The following SRPK2 variants were observed in gnomAD, a reference collection of about 807,000 sequenced individuals.
SRPK2 encodes SFRS protein kinase 2.
Under a neutral mutation model 90.8 loss-of-function variants are expected in SRPK2, and 21 were observed. The observed-to-expected ratio is 0.23, with a 90% CI of 0.16 to 0.33. The LOEUF (loss-of-function observed/expected upper bound fraction) is 0.33, where lower values mean the gene tolerates loss of function less well. SRPK2 is among the 10% of genes least tolerant of loss of function. The pLI, the probability that SRPK2 is intolerant of heterozygous loss-of-function variation, is 1.00. For synonymous variants in SRPK2, 288 were observed against 311.1 expected (o/e 0.93, Z 0.78); for missense variants, 620 against 869.0 (o/e 0.71, Z 3.60).
At chr7:105,388,497 CCGCCCGCCGGGGG>C (rs1437327367) in intron 2 of SRPK2, 138 bp downstream of exon 2, 1 of 343,710 alleles carries the variant, frequency 2.9e-6, no homozygotes, top group East Asian at 8.6e-5. Context: ...TCCCCCCGGG[CCGCCCGCCGGGGG>C]CAGGAGCCGA....
chr7:105,351,524 C>T (rs1057072144), intron 2 of SRPK2, among the ~76,000 whole-genome samples: 9 of 151,502 alleles, frequency 5.9e-5, no homozygotes, highest in East Asian at 1.9e-4. Context: ...AATCACCGGC[C>T]GGGCGCAGTA....
Position 105,250,471 on chromosome 7 carries a change from A to G in SRPK2, c.72-46686T>C, listed in dbSNP as rs138516604. On this transcript the variant is annotated intron_variant, in intron 2 of 15. Transcript: ENST00000393651. Reference sequence around the variant, plus strand: ...CAAAAGTTGGCTGTGTTGGATTTACAGAAGTATGTCATCAGTCACTGTAAT... The same window carrying G: ...CAAAAGTTGGCTGTGTTGGATTTACGGAAGTATGTCATCAGTCACTGTAAT... Among the ~76,000 whole-genome samples the G allele has an allele frequency of 3.3e-3, 506 of 152,306 alleles. 7 individuals are homozygous for G. Among genetic ancestry groups the G allele is most frequent in the African/African-American group, 0.011 (441 of 41,568 alleles).
At chr7:105,192,039 T>C (rs1360368866) in intron 3 of SRPK2, among the ~76,000 whole-genome samples, 1 of 97,030 alleles carries the variant, frequency 1.0e-5, no homozygotes, top group Non-Finnish European at 2.1e-5. Context: ...AAAGCTCCAC[T>C]TCTGCTTCTG....
At chr7:105,136,160 T>A (rs916927056) in intron 11 of SRPK2, among the ~76,000 whole-genome samples, 2 of 152,246 alleles carry the variant, frequency 1.3e-5, no homozygotes, top group African/African-American at 4.8e-5. Context: ...TGGTTCGGGT[T>A]TGTAAACAGT....
intron 2 of SRPK2, among the ~76,000 whole-genome samples, chr7:105,298,310 T>C (rs546377363): frequency 5.1e-4 from 78 of 152,346 alleles, no homozygotes; most frequent in Middle Eastern, 6.8e-3. Flanking sequence ...GTATTAGTAG[T>C]AGTATATTTT....
intron 2 of SRPK2, among the ~76,000 whole-genome samples, chr7:105,269,680 GGGAA>G (rs1168827978): frequency 6.6e-6 from 1 of 152,136 alleles, no homozygotes; most frequent in Non-Finnish European, 1.5e-5. Context: ...CAGACTAAAA[GGGAA>G]GGAAGGGTGA....
chr7:105,344,762 G>T lies in SRPK2; in HGVS notation c.71+43886C>A, dbSNP rs143343490. Among the ~76,000 whole-genome samples, 346 of 150,630 alleles carry T rather than the reference G, an allele frequency of 2.3e-3. 1 individual carries two copies. The highest frequency in any genetic ancestry group is 8.1e-3 in the African/African-American group (333 of 40,910). On this transcript the variant is annotated intron_variant, in intron 2 of 15. Coordinates refer to ENST00000393651, the MANE Select transcript of SRPK2 (RefSeq NM_182692.3). Reference sequence around the variant, plus strand: ...GTACCACAATTAACTTTATTTGCAAGTCTTTCTGGCCTCTGGGAAATGAAC... The same window carrying T: ...GTACCACAATTAACTTTATTTGCAATTCTTTCTGGCCTCTGGGAAATGAAC...
intron 2 of SRPK2, among the ~76,000 whole-genome samples, chr7:105,331,227 T>C (rs941898504): frequency 7.3e-6 from 1 of 137,488 alleles, no homozygotes; most frequent in Non-Finnish European, 1.5e-5. Flanking sequence ...GAGAATCACT[T>C]GAACCTCGGA....
chr7:105,329,276 A>G (rs1007602186), intron 2 of SRPK2, among the ~76,000 whole-genome samples: 1 of 152,186 alleles, frequency 6.6e-6, no homozygotes, highest in African/African-American at 2.4e-5. Flanking sequence ...ATGAAAGAAG[A>G]TAACAAAATA....
At chr7:105,203,260 G>A (rs1452790726) in intron 3 of SRPK2, among the ~76,000 whole-genome samples, 1 of 152,102 alleles carries the variant, frequency 6.6e-6, no homozygotes, top group Non-Finnish European at 1.5e-5. Flanking sequence ...AAAGTGCTGG[G>A]ATTACAGGCT....
chr7:105,334,909 C>A (rs571217694), intron 2 of SRPK2, among the ~76,000 whole-genome samples: 1 of 150,848 alleles, frequency 6.6e-6, no homozygotes, highest in South Asian at 2.1e-4. Context: ...GTAGCTTATG[C>A]CTGTAATCCC....
At chr7:105,367,663 G>A (rs1312177680) in intron 2 of SRPK2, among the ~76,000 whole-genome samples, 1 of 152,142 alleles carries the variant, frequency 6.6e-6, no homozygotes. Context: ...ATATACTACA[G>A]TTAATTCCAT....
At chr7:105,313,855 A>T (rs1211552665) in intron 2 of SRPK2, among the ~76,000 whole-genome samples, 1 of 152,222 alleles carries the variant, frequency 6.6e-6, no homozygotes, top group Non-Finnish European at 1.5e-5. Flanking sequence ...AGAAAAAGAA[A>T]AAACATTCAA....
chr7:105,302,015 C>A (rs1810609604), intron 2 of SRPK2: 8 of 1,587,168 alleles, frequency 5.0e-6, no homozygotes, highest in Non-Finnish European at 6.0e-6. Context: ...CAAAGGAGAA[C>A]TTCCTCGAGG....
chr7:105,137,001 A>G (rs1398533330), intron 11 of SRPK2, among the ~76,000 whole-genome samples: 1 of 152,244 alleles, frequency 6.6e-6, no homozygotes, highest in African/African-American at 2.4e-5. Context: ...GTAGCTAAAC[A>G]GGCTATGAAG....
rs548462186 is a variant in SRPK2, at chr7:105,241,520, T to C, written c.72-37735A>G. 1.6e-4 allele frequency among the ~76,000 whole-genome samples: 24 copies of C among 152,240 alleles called. 2 individuals carry two copies. In the South Asian group the frequency reaches 4.1e-3, roughly 26 times the overall value. On this transcript the variant is annotated intron_variant, in intron 2 of 15. Transcript: ENST00000393651. ...CTGTCCCCTTAAATCCTCACAACCCTATGTGAGGTGAGCATTATCATCTTT... is the reference window on the plus strand; with the variant it reads ...CTGTCCCCTTAAATCCTCACAACCCCATGTGAGGTGAGCATTATCATCTTT...
intron 2 of SRPK2, among the ~76,000 whole-genome samples, chr7:105,246,389 T>G (rs564986550): frequency 6.6e-6 from 1 of 152,338 alleles, no homozygotes; most frequent in South Asian, 2.1e-4. Flanking sequence ...GATAATGAGT[T>G]TGGTTTAGGG....
At position 105,196,927 on chromosome 7, in the gene SRPK2, G is replaced by A. The variant is rs796385842; in HGVS notation, c.229+6701C>T. 1.8e-4 allele frequency among the ~76,000 whole-genome samples: 28 copies of A among 152,226 alleles called. 1 individual carries two copies. Among genetic ancestry groups the A allele is most frequent in the African/African-American group, 6.0e-4 (25 of 41,534 alleles). ...CAGCTGAGCATGGTGGTGCATGCCT[G>A]TAATCCAAGCTACTCGGGAGGCTGA... On this transcript the variant is annotated intron_variant, in intron 3 of 15. Transcript: ENST00000393651.
chr7:105,366,105 G>A (rs916570453), intron 2 of SRPK2, among the ~76,000 whole-genome samples: 4 of 151,530 alleles, frequency 2.6e-5, no homozygotes, highest in South Asian at 2.1e-4. Flanking sequence ...CGCCCACCTC[G>A]GCCTCCCAAA....
Sources: gnomAD v4.1 joint callset for allele counts (sites outside exome capture counted in the v4.1 genomes callset) on GRCh38, gnomAD v4.1.1 for gene constraint, MANE v1.5 for transcripts, NCBI Gene and HGNC (gene_info 2026-07-23, HGNC 2026-07-21) for gene names.